BARX2: variants seen among roughly 807,000 people sequenced by gnomAD.
The protein encoded by BARX2 is homeobox protein BarH-like 2.
BARX2 carries 11 observed loss-of-function variants against 25.5 expected under a neutral mutation model. The ratio of observed to expected loss-of-function variants is 0.43; its 90% confidence interval spans 0.27 to 0.71. BARX2 has a LOEUF of 0.71. Among genes scored for constraint, BARX2 ranks in the 30% least tolerant of loss-of-function variants. BARX2 has a pLI of 0.19. For missense variants in BARX2, 360 were observed against 359.9 expected (o/e 1.00, Z 0.00); for synonymous variants, 137 against 149.5 (o/e 0.92, Z 0.61).
chr11:129,441,258 T>C (rs953415664), intron 2 of BARX2, among the ~76,000 whole-genome samples: 2 of 152,122 alleles, frequency 1.3e-5, no homozygotes, highest in Admixed American at 6.5e-5. Flanking sequence ...TGAGCCCCAA[T>C]GCAGGAGCTG....
Position 129,390,629 on chromosome 11 carries a change from T to C in BARX2, c.187+14407T>C, listed in dbSNP as rs959982285. ...GATCCAAATGCTTACTCAGCATTTG[T>C]TGTCTCCAAGAGAAAAACAAATTGA... On this transcript the variant is annotated intron_variant, in intron 1 of 3. Transcript: ENST00000281437. The surrounding 1 kb of genome is among the most constrained non-coding windows in gnomAD (Gnocchi z 4.3). Among the ~76,000 whole-genome samples, 1 of 152,120 alleles carries C rather than the reference T, an allele frequency of 6.6e-6. No individual in the cohort carries two copies. Among genetic ancestry groups the C allele is most frequent in the African/African-American group, 2.4e-5 (1 of 41,408 alleles).
intron 3 of BARX2, among the ~76,000 whole-genome samples, chr11:129,447,894 C>A (rs555725265): frequency 1.3e-5 from 2 of 152,216 alleles, no homozygotes; most frequent in East Asian, 3.9e-4. Flanking sequence ...CATCTTGGCA[C>A]AATTGGGTGC....
In BARX2 at chr11:129,451,470, G is replaced by T; in HGVS notation, c.*68G>T. On this transcript the variant is annotated 3_prime_UTR_variant, in exon 4 of 4. Transcript: ENST00000281437. ...AAAAGAGAGAAGGCAGGGAGAGTAGGGAGAGAAAACCTTCCAGCAGCCCAG... is the reference window on the plus strand; with the variant it reads ...AAAAGAGAGAAGGCAGGGAGAGTAGTGAGAGAAAACCTTCCAGCAGCCCAG... The T allele has an allele frequency of 6.5e-7, 1 of 1,547,268 alleles. No individual in the cohort carries two copies. The highest frequency in any genetic ancestry group is 8.8e-7 in the Non-Finnish European group (1 of 1,141,504).
At chr11:129,393,535 C>A (rs1274277843) in intron 1 of BARX2, among the ~76,000 whole-genome samples, 1 of 141,132 alleles carries the variant, frequency 7.1e-6, no homozygotes, top group Non-Finnish European at 1.5e-5. Context: ...TTTTTTTTTC[C>A]TGGAGCAGTA....
In BARX2 at chr11:129,442,932, T is replaced by G; in HGVS notation, c.573+13T>G. 1 of 1,601,512 alleles carries G rather than the reference T, an allele frequency of 6.2e-7. No individual in the cohort carries two copies. The highest frequency in any genetic ancestry group is 1.7e-5 in the Admixed American group (1 of 59,940). On this transcript the variant is annotated intron_variant, in intron 3 of 3. Coordinates refer to ENST00000281437, the MANE Select transcript of BARX2 (RefSeq NM_003658.5). ...ATGGAAGAAAATGGTAAGAAAGGAG[T>G]GACTAACCATGATCCCTTCCTGATG...
At chr11:129,428,433 G>T (rs549419043) in intron 1 of BARX2, among the ~76,000 whole-genome samples, 43 of 152,148 alleles carry the variant, frequency 2.8e-4, no homozygotes, top group Non-Finnish European at 5.6e-4. Context: ...TTAAAACCTG[G>T]GTTTGATTTT....
At chr11:129,415,275 G>T (rs924717143) in intron 1 of BARX2, among the ~76,000 whole-genome samples, 6 of 152,086 alleles carry the variant, frequency 3.9e-5, no homozygotes, top group Non-Finnish European at 8.8e-5. Context: ...AGATTCTCTG[G>T]TGTTCTCTAT....
At chr11:129,426,463 A>G (rs970541503) in intron 1 of BARX2, among the ~76,000 whole-genome samples, 2 of 151,518 alleles carry the variant, frequency 1.3e-5, no homozygotes, top group African/African-American at 4.9e-5. Flanking sequence ...ACCTCCATCT[A>G]TCGAGTTAAA....
intron 3 of BARX2, among the ~76,000 whole-genome samples, chr11:129,445,883 G>GCTAT (rs912512899): frequency 1.5e-5 from 2 of 137,742 alleles, no homozygotes; most frequent in Non-Finnish European, 3.3e-5. Flanking sequence ...TCTTTTCAAG[G>GCTAT]CTATCTGTTT....
At position 129,376,214 on chromosome 11, in the gene BARX2, C is replaced by T. The variant is rs772560593; in HGVS notation, c.179C>T (p.Ser60Phe). ...SLVVRPKPLH[S>F]CTGSPSLRAY... is the part of the protein sequence containing the mutation. ...GTCGTGCGACCCAAGCCCCTGCATT[C>T]CTGTACGGGTAAGACGCTCCGCTAG... The change falls in exon 1 of 4, where the codon TCC becomes TTC. Residue 60 changes from serine (S) to phenylalanine (F), a missense_variant. Around this residue, in one of 3 missense-constraint regions of BARX2, gnomAD observed 240 missense variants for 228.7 expected, o/e 1.05. Transcript: ENST00000281437. The surrounding 1 kb of genome is among the most constrained non-coding windows in gnomAD (Gnocchi z 4.2). 1 of 1,603,872 alleles carries T rather than the reference C, an allele frequency of 6.2e-7. No individual in the cohort carries two copies. Among genetic ancestry groups the T allele is most frequent in the Non-Finnish European group, 8.5e-7 (1 of 1,175,206 alleles).
intron 1 of BARX2, among the ~76,000 whole-genome samples, chr11:129,381,959 G>A (rs1402270253): frequency 6.6e-6 from 1 of 152,230 alleles, no homozygotes. Context: ...AATGGCTAAA[G>A]TTGATTCTAC....
At position 129,376,300 on chromosome 11, in the gene BARX2, A is replaced by T; in HGVS notation, c.187+78A>T. The T allele has an allele frequency of 7.5e-7, 1 of 1,333,060 alleles. No homozygotes were observed. The allele number at this position is 1,333,060 out of a possible 1,614,324, so 82.6% of individuals were successfully genotyped here. ...TAGGTGGCCTGTGCTTTGCGATCCG[A>T]GGGCGAGAGGAAGGGTTAAGTTAAG... On this transcript the variant is annotated intron_variant, in intron 1 of 3. Transcript: ENST00000281437. This position sits in a 1 kb window ranked among gnomAD's most constrained non-coding sequence, Gnocchi z 4.2.
intron 1 of BARX2, among the ~76,000 whole-genome samples, chr11:129,407,212 G>T (rs1020760587): frequency 2.6e-5 from 4 of 152,172 alleles, no homozygotes; most frequent in Admixed American, 2.6e-4. Flanking sequence ...GGAGAGGACA[G>T]CTTCCTATAA....
At chr11:129,432,717 A>T (rs1862142740) in intron 1 of BARX2, among the ~76,000 whole-genome samples, 1 of 152,218 alleles carries the variant, frequency 6.6e-6, no homozygotes, top group Non-Finnish European at 1.5e-5. Flanking sequence ...ATAAAATTAA[A>T]CTTTAGAATG....
chr11:129,432,778 T>A (rs77841700), intron 1 of BARX2, among the ~76,000 whole-genome samples: 12,365 of 152,088 alleles, frequency 0.081, 639 homozygotes, highest in Middle Eastern at 0.12. Context: ...TAAAAAATTT[T>A]AAAAAAAAGA....
chr11:129,397,326 A>C (rs1023372647), intron 1 of BARX2, among the ~76,000 whole-genome samples: 4 of 152,104 alleles, frequency 2.6e-5, no homozygotes, highest in African/African-American at 9.7e-5. Context: ...AAGAAACTGA[A>C]GTAATTAACA....
At chr11:129,401,143 ATGG>A (rs1313416862) in intron 1 of BARX2, among the ~76,000 whole-genome samples, 6 of 152,242 alleles carry the variant, frequency 3.9e-5, no homozygotes, top group Non-Finnish European at 7.3e-5. Flanking sequence ...CTTCATTGGC[ATGG>A]TTGAGATAGA....
intron 1 of BARX2, among the ~76,000 whole-genome samples, chr11:129,382,398 C>T (rs1380229091): frequency 4.6e-5 from 7 of 152,054 alleles, no homozygotes; most frequent in South Asian, 2.1e-4. Context: ...AGGCTGGTCT[C>T]GAACTTCTGA....
chr11:129,437,501 T>C, intron 2 of BARX2: 1 of 988,162 alleles, frequency 1.0e-6, no homozygotes, highest in Non-Finnish European at 1.2e-6. Context: ...GGCCTGGCTA[T>C]TGCTTGGGAA....
Sources: gnomAD v4.1 joint callset for allele counts (sites outside exome capture counted in the v4.1 genomes callset) on GRCh38, gnomAD v4.1.1 for gene constraint, gnomAD v4.1.1 regional missense constraint, Gnocchi (gnomAD v3.1) non-coding constraint, MANE v1.5 for transcripts, NCBI Gene and HGNC (gene_info 2026-07-23, HGNC 2026-07-21) for gene names.